Variants in PAX5 observed in about 807,000 individuals in gnomAD.
PAX5 encodes paired box 5.
A neutral mutation model predicts 43.7 loss-of-function variants in PAX5; 9 were observed. The ratio of observed to expected loss-of-function variants is 0.21; its 90% CI spans 0.12 to 0.36. The LOEUF is 0.36. PAX5 is among the 10% of genes least tolerant of loss of function. The pLI, the probability that PAX5 is intolerant of heterozygous loss-of-function variation, is 1.00. For synonymous variants in PAX5, 228 were observed against 214.3 expected (o/e 1.06, Z -0.56); for missense variants, 383 against 532.7 (o/e 0.72, Z 2.77).
chr9:36,911,409 C>G (rs1354448119), intron 7 of PAX5, among the ~76,000 whole-genome samples: 1 of 152,132 alleles, frequency 6.6e-6, no homozygotes, highest in Admixed American at 6.5e-5. Flanking sequence ...GGTCCTCCCG[C>G]CTTGACCTCC....
At chr9:36,935,095 C>T (rs998087840) in intron 6 of PAX5, among the ~76,000 whole-genome samples, 8 of 152,172 alleles carry the variant, frequency 5.3e-5, no homozygotes, top group African/African-American at 1.9e-4. Flanking sequence ...AAATGGTTTG[C>T]AGCAGGCCAG....
chr9:37,025,386 C>G (rs941060038), intron 1 of PAX5, among the ~76,000 whole-genome samples: 1 of 148,260 alleles, frequency 6.7e-6, no homozygotes, highest in Non-Finnish European at 1.5e-5. Flanking sequence ...AATAGGGGAC[C>G]TGCGGCTAGG....
chr9:37,012,065 G>C (rs1256647154), intron 3 of PAX5, among the ~76,000 whole-genome samples: 1 of 152,182 alleles, frequency 6.6e-6, no homozygotes, highest in African/African-American at 2.4e-5. Context: ...TTAGTGAGCT[G>C]TCACTGAAGA....
At chr9:36,937,551 G>A (rs1385960096) in intron 6 of PAX5, among the ~76,000 whole-genome samples, 1 of 152,162 alleles carries the variant, frequency 6.6e-6, no homozygotes, top group Non-Finnish European at 1.5e-5. Context: ...AGCCCTGACG[G>A]GGACACCACC....
At chr9:36,901,430 G>A (rs1750100286) in intron 7 of PAX5, among the ~76,000 whole-genome samples, 1 of 152,064 alleles carries the variant, frequency 6.6e-6, no homozygotes, top group Non-Finnish European at 1.5e-5. Flanking sequence ...TCTGTCACAT[G>A]CCTCTCCTTA....
chr9:36,848,355 C>CACACACACACACACAT (rs1822799262), intron 8 of PAX5, among the ~76,000 whole-genome samples: 1 of 150,548 alleles, frequency 6.6e-6, no homozygotes, highest in Admixed American at 6.6e-5. Flanking sequence ...CGTGTCCACA[C>CACACACACACACACAT]ACACACACAC....
intron 5 of PAX5, among the ~76,000 whole-genome samples, chr9:36,987,259 G>T (rs1836512860): frequency 1.3e-5 from 2 of 152,218 alleles, no homozygotes; most frequent in East Asian, 1.9e-4. Context: ...ACTGTACCAG[G>T]TGTTTTGCCT....
At chr9:36,873,177 C>T (rs1335738659) in intron 8 of PAX5, among the ~76,000 whole-genome samples, 1 of 152,254 alleles carries the variant, frequency 6.6e-6, no homozygotes, top group African/African-American at 2.4e-5. Flanking sequence ...TGGTCCCCCT[C>T]ACCTGCATTT....
rs557153505 is a variant in PAX5, at chr9:37,033,993, G to A, written c.39C>T (p.Ser13=). 6.2e-7 allele frequency: 1 copy of A among 1,611,336 alleles called. No homozygotes were observed. Among genetic ancestry groups the A allele is most frequent in the African/African-American group, 1.3e-5 (1 of 74,762 alleles). Residue 13 remains serine (S), a synonymous_variant, in exon 1 of 10, where the codon AGC becomes AGT. Transcript: ENST00000358127. ...CCCGTATCGCGGTCCTACCTGTCCT[G>A]CTGGTCCGAGGAGTCGGATAATTTT... ...LEKNYPTPRT[S]RTGHGGVNQL... is the part of the protein sequence containing the mutation.
chr9:36,933,839 T>A (rs141677836), intron 6 of PAX5, among the ~76,000 whole-genome samples: 25 of 152,294 alleles, frequency 1.6e-4, no homozygotes, highest in African/African-American at 5.8e-4. Flanking sequence ...TGGACTCCCA[T>A]GCAACCAGGG....
chr9:36,978,397 GA>G (rs1393248092), intron 5 of PAX5, among the ~76,000 whole-genome samples: 4 of 152,174 alleles, frequency 2.6e-5, no homozygotes, highest in Admixed American at 6.5e-5. Context: ...CAAAGAATGT[GA>G]AAGGCTTCAT....
At position 36,933,020 on chromosome 9, in the gene PAX5, G is replaced by A. The variant is rs142550099; in HGVS notation, c.781-9536C>T. Among the ~76,000 whole-genome samples the A allele has an allele frequency of 1.5e-4, 23 of 151,896 alleles. 1 individual carries two copies. The East Asian group carries it at 4.5e-3, about 30-fold the overall frequency. On this transcript the variant is annotated intron_variant, in intron 6 of 9. Transcript: ENST00000358127. Reference sequence around the variant, plus strand: ...AAAATACAAAAATAGTCAGGCTGTGGTGGTGGGCACCTACTCAGGAGGCTG... The same window carrying A: ...AAAATACAAAAATAGTCAGGCTGTGATGGTGGGCACCTACTCAGGAGGCTG...
At chr9:36,974,046 G>T (rs1835215375) in intron 5 of PAX5, among the ~76,000 whole-genome samples, 1 of 152,072 alleles carries the variant, frequency 6.6e-6, no homozygotes, top group African/African-American at 2.4e-5. Flanking sequence ...GGGGTGTGGT[G>T]GTGCAGGCCT....
At chr9:37,004,746 A>C (rs1393935521) in intron 4 of PAX5, among the ~76,000 whole-genome samples, 1 of 152,170 alleles carries the variant, frequency 6.6e-6, no homozygotes. Flanking sequence ...TTTAAACAAC[A>C]ACCACCATAT....
chr9:36,886,173 G>A (rs532930477), intron 7 of PAX5, among the ~76,000 whole-genome samples: 4 of 152,264 alleles, frequency 2.6e-5, no homozygotes, highest in East Asian at 1.9e-4. Context: ...ATCCCCAGCC[G>A]ACCCCAAGTG....
intron 5 of PAX5, among the ~76,000 whole-genome samples, chr9:36,976,137 G>A (rs374738968): frequency 2.0e-5 from 3 of 152,198 alleles, no homozygotes; most frequent in African/African-American, 7.2e-5. Flanking sequence ...ATTTGAGGCT[G>A]TTCATAGAAT....
intron 8 of PAX5, among the ~76,000 whole-genome samples, chr9:36,858,960 C>A (rs947115306): frequency 6.6e-6 from 1 of 152,138 alleles, no homozygotes; most frequent in African/African-American, 2.4e-5. Context: ...ACCTGCGCTG[C>A]CTGCCATCAA....
chr9:36,903,634 A>G (rs1245486130), intron 7 of PAX5, among the ~76,000 whole-genome samples: 1 of 152,214 alleles, frequency 6.6e-6, no homozygotes, highest in Admixed American at 6.5e-5. Context: ...AGGAGCAATC[A>G]TACCTGCTGT....
intron 5 of PAX5, among the ~76,000 whole-genome samples, chr9:36,981,312 T>C (rs10973153): frequency 0.36 from 54,009 of 151,430 alleles, 10,171 homozygotes; most frequent in East Asian, 0.62. Flanking sequence ...AGAACGTCAC[T>C]CATGTGGGCA....
Sources: gnomAD v4.1 joint callset for allele counts (sites outside exome capture counted in the v4.1 genomes callset) on GRCh38, gnomAD v4.1.1 for gene constraint, MANE v1.5 for transcripts, NCBI Gene and HGNC (gene_info 2026-07-23, HGNC 2026-07-21) for gene names.